AGBL1: variants seen among roughly 807,000 people sequenced by gnomAD.
AGBL1 encodes AGBL carboxypeptidase 1.
Under a neutral mutation model 118.9 loss-of-function variants are expected in AGBL1, and 130 were observed. That is an observed-to-expected ratio of 1.09 (90% CI 0.95 to 1.26). The LOEUF is 1.26. Ranked by LOEUF, AGBL1 falls within the 50% of genes most tolerant of loss-of-function variation. The pLI, the probability that AGBL1 is intolerant of heterozygous loss-of-function variation, is 0.00. For missense variants in AGBL1, 1,584 were observed against 1,298.1 expected (o/e 1.22, Z -3.38); for synonymous variants, 555 against 478.9 (o/e 1.16, Z -2.08).
chr15:86,973,336 A>G (rs528288777), intron 23 of AGBL1, among the ~76,000 whole-genome samples: 2 of 152,050 alleles, frequency 1.3e-5, no homozygotes, highest in African/African-American at 4.8e-5. Context: ...TAAAATTGCT[A>G]CACCATCAAC....
intron 17 of AGBL1, among the ~76,000 whole-genome samples, chr15:86,306,023 T>A (rs914063619): frequency 5.3e-5 from 8 of 152,174 alleles, no homozygotes; most frequent in African/African-American, 1.7e-4. Flanking sequence ...TTTTTATTTT[T>A]AATTTTTTGG....
chr15:86,352,800 C>G (rs2080649576), intron 17 of AGBL1, among the ~76,000 whole-genome samples: 1 of 152,018 alleles, frequency 6.6e-6, no homozygotes, highest in African/African-American at 2.4e-5. Flanking sequence ...TTTCTTTACT[C>G]TTTAGGCCCA....
chr15:86,364,980 T>TACACACACACAC, intron 17 of AGBL1, among the ~76,000 whole-genome samples: 1 of 83,324 alleles, frequency 1.2e-5, no homozygotes, highest in African/African-American at 4.0e-5. Flanking sequence ...TATATATATA[T>TACACACACACAC]ATATATATAC....
chr15:86,891,838 T>C (rs1407680722), intron 22 of AGBL1, among the ~76,000 whole-genome samples: 1 of 152,112 alleles, frequency 6.6e-6, no homozygotes, highest in Admixed American at 6.6e-5. Context: ...CTGAATAAGT[T>C]TCTAAACAGA....
intron 7 of AGBL1, among the ~76,000 whole-genome samples, chr15:86,250,964 T>C (rs28397929): frequency 6.6e-6 from 1 of 152,092 alleles, no homozygotes; most frequent in South Asian, 2.1e-4. Flanking sequence ...CCAGTGATAG[T>C]GATGACAATG....
chr15:86,745,066 G>A (rs1482024889), intron 22 of AGBL1, among the ~76,000 whole-genome samples: 1 of 152,096 alleles, frequency 6.6e-6, no homozygotes, highest in African/African-American at 2.4e-5. Context: ...TTCCGTAGAC[G>A]TACTGCTGTT....
chr15:86,576,989 G>T (rs565685595), intron 21 of AGBL1, among the ~76,000 whole-genome samples: 1 of 152,276 alleles, frequency 6.6e-6, no homozygotes, highest in East Asian at 1.9e-4. Context: ...TTGTACAGTA[G>T]ATTGGTACCA....
chr15:86,782,158 C>T (rs143201019), intron 22 of AGBL1, among the ~76,000 whole-genome samples: 11 of 152,132 alleles, frequency 7.2e-5, no homozygotes, highest in East Asian at 5.8e-4. Flanking sequence ...TTCTGTATTA[C>T]GTTTTTATCT....
intron 19 of AGBL1, among the ~76,000 whole-genome samples, chr15:86,532,068 C>T (rs1219232801): frequency 3.3e-5 from 5 of 151,434 alleles, no homozygotes; most frequent in African/African-American, 1.2e-4. Flanking sequence ...GATGCCCTCT[C>T]TCACCGCTCC....
chr15:86,679,634 C>G (rs1259282019), intron 22 of AGBL1, among the ~76,000 whole-genome samples: 1 of 145,422 alleles, frequency 6.9e-6, no homozygotes, highest in African/African-American at 2.4e-5. Context: ...ATAAACCTAA[C>G]TTCAAAATGA....
chr15:86,452,090 C>T (rs1300315384), intron 18 of AGBL1, among the ~76,000 whole-genome samples: 2 of 152,118 alleles, frequency 1.3e-5, no homozygotes, highest in Non-Finnish European at 2.9e-5. Flanking sequence ...TGCCCGGACA[C>T]ATTATGTAGA....
chr15:86,125,079 G>C (rs1318992615), intron 1 of AGBL1, among the ~76,000 whole-genome samples: 1 of 152,184 alleles, frequency 6.6e-6, no homozygotes, highest in Non-Finnish European at 1.5e-5. Context: ...TCCACTTTGT[G>C]AGAGTAAAGA....
chr15:86,739,474 GA>G (rs1212602271), intron 22 of AGBL1, among the ~76,000 whole-genome samples: 4 of 122,812 alleles, frequency 3.3e-5, no homozygotes, highest in East Asian at 2.4e-4. Context: ...AAGTAAAAGA[GA>G]AAAAAAAATT....
rs2084710150 is a variant in AGBL1, at chr15:86,615,610, C to T, written c.2995-58663C>T. Among the ~76,000 whole-genome samples, 1 of 152,148 alleles carries T rather than the reference C, an allele frequency of 6.6e-6. No homozygotes were observed. The highest frequency in any genetic ancestry group is 2.4e-5 in the African/African-American group (1 of 41,438). On this transcript the variant is annotated intron_variant, in intron 21 of 22. Coordinates refer to ENST00000614907, the MANE Select transcript of AGBL1 (RefSeq NM_001386094.1). This position sits in a 1 kb window ranked among gnomAD's most constrained non-coding sequence, Gnocchi z 4.3. ...AATAAACCTTCCATGGACTTTGAGGCAATCTAATCTGAGTGTAACAGAGCA... is the reference window on the plus strand; with the variant it reads ...AATAAACCTTCCATGGACTTTGAGGTAATCTAATCTGAGTGTAACAGAGCA...
intron 17 of AGBL1, among the ~76,000 whole-genome samples, chr15:86,301,322 G>T (rs1256333871): frequency 6.6e-6 from 1 of 151,972 alleles, no homozygotes; most frequent in Non-Finnish European, 1.5e-5. Flanking sequence ...ATAGGGACAT[G>T]AGCTGGACTA....
At chr15:86,959,802 A>G (rs2141683686) in intron 23 of AGBL1, among the ~76,000 whole-genome samples, 1 of 152,188 alleles carries the variant, frequency 6.6e-6, no homozygotes, top group Non-Finnish European at 1.5e-5. Context: ...CAAAATAATG[A>G]TGCACATTAT....
At chr15:86,806,277 G>T (rs930303157) in intron 22 of AGBL1, among the ~76,000 whole-genome samples, 2 of 152,118 alleles carry the variant, frequency 1.3e-5, no homozygotes, top group Non-Finnish European at 2.9e-5. Context: ...CACCACTTCA[G>T]ACTGACTCTG....
chr15:86,103,931 G>A (rs1332782981), intron 1 of AGBL1, among the ~76,000 whole-genome samples: 1 of 152,170 alleles, frequency 6.6e-6, no homozygotes, highest in Non-Finnish European at 1.5e-5. Flanking sequence ...CATGGCATGA[G>A]TAATGGCAGT....
At chr15:86,701,053 G>A (rs1596382994) in intron 22 of AGBL1, among the ~76,000 whole-genome samples, 1 of 152,116 alleles carries the variant, frequency 6.6e-6, no homozygotes, top group Non-Finnish European at 1.5e-5. Context: ...TGAATTCCAG[G>A]TGCACATTAA....
Sources: gnomAD v4.1 joint callset for allele counts (sites outside exome capture counted in the v4.1 genomes callset) on GRCh38, gnomAD v4.1.1 for gene constraint, Gnocchi (gnomAD v3.1) non-coding constraint, MANE v1.5 for transcripts, NCBI Gene and HGNC (gene_info 2026-07-23, HGNC 2026-07-21) for gene names.